The following WASF3 variants were observed in gnomAD, a reference collection of about 807,000 sequenced individuals.
WASF3 encodes the protein actin-binding protein WASF3.
A neutral mutation model predicts 46.6 loss-of-function variants in WASF3; 11 were observed. The observed-to-expected ratio is 0.24, with a 90% confidence interval of 0.15 to 0.39. The LOEUF (loss-of-function observed/expected upper bound fraction) is 0.39, where lower values mean the gene tolerates loss of function less well. Ranked by LOEUF, WASF3 falls within the 10% of genes least tolerant of loss-of-function variation. WASF3 has a pLI of 1.00. For missense variants in WASF3, 576 were observed against 669.8 expected, an observed-to-expected ratio of 0.86 and a Z score of 1.55; for synonymous variants, 242 against 259.7, an observed-to-expected ratio of 0.93 and a Z score of 0.65.
intron 6 of WASF3, among the ~76,000 whole-genome samples, chr13:26,675,926 C>T (rs1229122946): frequency 6.6e-6 from 1 of 152,176 alleles, no homozygotes; most frequent in Non-Finnish European, 1.5e-5. Flanking sequence ...ATAGAAATAA[C>T]TTCTCACGTT....
chr13:26,682,741 C>T lies in WASF3; in HGVS notation c.1118C>T (p.Ala373Val). 6.2e-7 allele frequency: 1 copy of T among 1,613,814 alleles called. No individual in the cohort carries two copies. Among genetic ancestry groups the T allele is most frequent in the Non-Finnish European group, 8.5e-7 (1 of 1,180,036 alleles). Reference sequence around the variant, plus strand: ...ATGCCCATGCAGCCCCCGTTCCCTGCATCAGCCAGCTCCACGCACGCAGCT... The same window carrying T: ...ATGCCCATGCAGCCCCCGTTCCCTGTATCAGCCAGCTCCACGCACGCAGCT... Reference protein sequence around the residue: ...LQMPMQPPFPASASSTHAAPP... With the variant: ...LQMPMQPPFPVSASSTHAAPP... The change falls in exon 9 of 10, where the codon GCA (alanine) becomes GTA (valine). Residue 373 changes from alanine (A) to valine (V), a missense_variant. Physicochemically the swap from Ala to Val is moderately conservative, Grantham distance 64. Around this residue, in one of 3 missense-constraint regions of WASF3, gnomAD observed 295 missense variants for 291.5 expected, o/e 1.01. Transcript: ENST00000335327. The surrounding 1 kb of genome is among the most constrained non-coding windows in gnomAD (Gnocchi z 4.4).
chr13:26,587,240 T>A (rs1342428274), intron 1 of WASF3, among the ~76,000 whole-genome samples: 1 of 151,448 alleles, frequency 6.6e-6, no homozygotes. Context: ...TTGGAAAAAT[T>A]GGAAACAACT....
the WASF3 span, among the ~76,000 whole-genome samples, chr13:26,544,143 G>A: frequency 2.6e-5 from 4 of 152,268 alleles, no homozygotes; most frequent in African/African-American, 4.8e-5. Flanking sequence ...ATCTAGGAAT[G>A]GTTTTTCCAG....
At chr13:26,658,332 A>G (rs935834989) in intron 3 of WASF3, among the ~76,000 whole-genome samples, 1 of 152,238 alleles carries the variant, frequency 6.6e-6, no homozygotes, top group African/African-American at 2.4e-5. Flanking sequence ...TCAGAAATAA[A>G]GAACTGATAG....
At chr13:26,664,837 A>C (rs114163662) in intron 3 of WASF3, among the ~76,000 whole-genome samples, 191 bp from the exon 4 acceptor site, 1 of 152,358 alleles carries the variant, frequency 6.6e-6, no homozygotes, top group African/African-American at 2.4e-5. Context: ...ACATTGAGTC[A>C]GTTTCAGATT....
At chr13:26,671,595 ATGT>A (rs1882925640) in intron 5 of WASF3, among the ~76,000 whole-genome samples, 1 of 152,076 alleles carries the variant, frequency 6.6e-6, no homozygotes, top group Non-Finnish European at 1.5e-5. Flanking sequence ...AATATGAGTC[ATGT>A]TGTGATTTTT....
At chr13:26,632,505 C>G (rs1398382243) in intron 2 of WASF3, among the ~76,000 whole-genome samples, 1 of 152,216 alleles carries the variant, frequency 6.6e-6, no homozygotes, top group Non-Finnish European at 1.5e-5. Context: ...ACCAGCCTTG[C>G]ATCCCAGGCA....
rs79999559 is a variant in WASF3 at position 26,561,493 on chromosome 13, G to C, written c.-109+3674G>C. On this transcript the variant is annotated intron_variant, in intron 1 of 9. Coordinates refer to ENST00000335327, the MANE Select transcript of WASF3 (RefSeq NM_006646.6). ...TTGGCTGGGTTAAGTTTCAGGTGCT[G>C]AGGGGACAGTGTGTTCAGTTGGCTG... Among the ~76,000 whole-genome samples, 914 of 152,220 alleles carry C rather than the reference G, an allele frequency of 6.0e-3. 6 individuals are homozygous for C. Among genetic ancestry groups the C allele is most frequent in the African/African-American group, 0.02 (831 of 41,514 alleles).
the WASF3 span, among the ~76,000 whole-genome samples, chr13:26,541,824 T>A: frequency 6.6e-6 from 1 of 152,082 alleles, no homozygotes; most frequent in Non-Finnish European, 1.5e-5. Context: ...AAATGCTACA[T>A]CCTTCCCTCA....
chr13:26,627,572 G>T (rs190729156), intron 2 of WASF3, among the ~76,000 whole-genome samples: 6 of 152,212 alleles, frequency 3.9e-5, no homozygotes, highest in Admixed American at 3.3e-4. Context: ...GGGCTGGGGG[G>T]ACGTGAAATG....
chr13:26,651,314 C>G (rs1461300538), intron 3 of WASF3, among the ~76,000 whole-genome samples: 2 of 151,516 alleles, frequency 1.3e-5, no homozygotes, highest in Non-Finnish European at 2.9e-5. Context: ...GAGCAAGACT[C>G]TAAAAAAACA....
chr13:26,618,383 C>G (rs1881199663), intron 2 of WASF3, among the ~76,000 whole-genome samples: 1 of 152,014 alleles, frequency 6.6e-6, no homozygotes, highest in South Asian at 2.1e-4. Flanking sequence ...TGAGTCTCAG[C>G]TCTGTTCCTC....
intron 2 of WASF3, chr13:26,638,258 A>C (rs1231008038): frequency 6.6e-6 from 1 of 152,194 alleles, no homozygotes; most frequent in Non-Finnish European, 1.5e-5. Context: ...AGCCAGACCA[A>C]GCTGGATAGC....
chr13:26,674,002 T>A (rs1882993069), intron 6 of WASF3, among the ~76,000 whole-genome samples: 1 of 152,042 alleles, frequency 6.6e-6, no homozygotes. Context: ...GTGGCGTGCT[T>A]CCGAATTGAG....
At chr13:26,578,149 G>A (rs1879857915) in intron 1 of WASF3, among the ~76,000 whole-genome samples, 1 of 151,962 alleles carries the variant, frequency 6.6e-6, no homozygotes, top group African/African-American at 2.4e-5. Flanking sequence ...TTATTGCACT[G>A]GATAGAACTT....
At chr13:26,564,096 CAT>C (rs760344367) in intron 1 of WASF3, among the ~76,000 whole-genome samples, 30 of 151,956 alleles carry the variant, frequency 2.0e-4, no homozygotes, top group Non-Finnish European at 3.5e-4. Flanking sequence ...TCAGCCCACA[CAT>C]GTTTGTATGC....
intron 6 of WASF3, among the ~76,000 whole-genome samples, chr13:26,675,449 G>C (rs1447070068): frequency 6.7e-6 from 1 of 148,662 alleles, no homozygotes; most frequent in East Asian, 2.0e-4. Flanking sequence ...GTCATTCCAG[G>C]ATGCCTCCCT....
At chr13:26,580,162 C>T (rs1879934759) in intron 1 of WASF3, among the ~76,000 whole-genome samples, 1 of 152,114 alleles carries the variant, frequency 6.6e-6, no homozygotes, top group Non-Finnish European at 1.5e-5. Context: ...TTAGAGGTGC[C>T]TGCATTTCCA....
intron 1 of WASF3, among the ~76,000 whole-genome samples, chr13:26,561,145 G>A (rs570226035): frequency 6.6e-6 from 1 of 152,264 alleles, no homozygotes; most frequent in East Asian, 1.9e-4. Context: ...GCCTTGTGGG[G>A]TCTTGTGATT....
Sources: gnomAD v4.1 joint callset for allele counts (sites outside exome capture counted in the v4.1 genomes callset) on GRCh38, gnomAD v4.1.1 for gene constraint, gnomAD v4.1.1 regional missense constraint, Gnocchi (gnomAD v3.1) non-coding constraint, MANE v1.5 for transcripts, NCBI Gene and HGNC (gene_info 2026-07-23, HGNC 2026-07-21) for gene names.